The following ODF2 variants were observed in gnomAD, a reference collection of about 807,000 sequenced individuals.
ODF2 encodes the protein outer dense fiber protein 2.
ODF2 carries 47 observed loss-of-function variants against 110.2 expected under a neutral mutation model. That is an observed-to-expected ratio of 0.43 (90% confidence interval 0.34 to 0.54). The LOEUF (loss-of-function observed/expected upper bound fraction) is 0.54. Among genes scored for constraint, ODF2 ranks in the 20% least tolerant of loss-of-function variants. ODF2 has a pLI of 0.03. For synonymous variants in ODF2, 352 were observed against 397.7 expected (o/e 0.89, Z 1.37); for missense variants, 812 against 1,054.5 (o/e 0.77, Z 3.19).
chr9:128,487,082 CT>C (rs1344825316), intron 13 of ODF2, among the ~76,000 whole-genome samples: 5 of 152,098 alleles, frequency 3.3e-5, no homozygotes, highest in African/African-American at 1.2e-4. Context: ...CTCTCTCTCT[CT>C]CTTTTTTTTC....
intron 12 of ODF2, 73 bp downstream of exon 12, chr9:128,484,959 C>A: frequency 1.5e-5 from 20 of 1,378,760 alleles, no homozygotes; most frequent in Non-Finnish European, 1.8e-5. Flanking sequence ...GGTGGTCAGC[C>A]AGATGGGTAG....
chr9:128,455,834 G>T (rs1301760325), upstream of ODF2, among the ~76,000 whole-genome samples: 1 of 152,170 alleles, frequency 6.6e-6, no homozygotes, highest in African/African-American at 2.4e-5. Context: ...AGGGGAGGGC[G>T]TCGGAACCGT....
At chr9:128,493,802 T>G (rs1845096870) in intron 16 of ODF2, among the ~76,000 whole-genome samples, 1 of 152,160 alleles carries the variant, frequency 6.6e-6, no homozygotes, top group Admixed American at 6.5e-5. Flanking sequence ...AAAATTTATT[T>G]TATTTTTTTT....
intron 9 of ODF2, 72 bp downstream of exon 9, chr9:128,481,723 A>G (rs1842433726): frequency 8.0e-7 from 1 of 1,242,272 alleles, no homozygotes; most frequent in East Asian, 2.3e-5. Flanking sequence ...CAAAGTGTAG[A>G]GGTGCTTGGA....
intron 5 of ODF2, 27 bp from the exon 6 acceptor site, chr9:128,471,281 G>A: frequency 6.3e-7 from 1 of 1,582,918 alleles, no homozygotes; most frequent in Non-Finnish European, 8.6e-7. Context: ...TCCCTTCAGT[G>A]GCCCCTGCCT....
At position 128,494,828 on chromosome 9, in the gene ODF2, T is replaced by G; in HGVS notation, c.1911+160T>G. 1 of 1,516,630 alleles carries G rather than the reference T, an allele frequency of 6.6e-7. No homozygotes were observed. The highest frequency in any genetic ancestry group is 8.8e-7 in the Non-Finnish European group (1 of 1,132,092). 93.9% of individuals were successfully genotyped at this position (1,516,630 alleles called of 1,614,324 possible). ...TCAGTGCTGTGAAATAAAAGTCTGG[T>G]GTGCCAAATGCCATGTGTTTGCACA... On this transcript the variant is annotated intron_variant, in intron 17 of 20. Coordinates refer to ENST00000604420, the Ensembl canonical transcript of ODF2. This position sits in a 1 kb window ranked among gnomAD's most constrained non-coding sequence, Gnocchi z 4.6.
rs143269609 is a variant in ODF2 at position 128,498,462 on chromosome 9, G to T, written c.2062G>T (p.Ala688Ser). ...GAATATCGAGTTCCTACAGGTGATT[G>T]CCAAGAGGGAGGAGGCAATCCACCA... The change falls in exon 19 of 21, where the codon GCC becomes TCC. Residue 688 changes from alanine (A) to serine (S), a missense_variant. Ala to Ser is a moderately conservative substitution (Grantham distance 99). Transcript: ENST00000604420. 209 of 1,613,146 alleles carry T rather than the reference G, an allele frequency of 1.3e-4. 1 individual carries two copies. In the African/African-American group the frequency reaches 2.7e-3, roughly 21 times the overall value.
chr9:128,500,364 T>G, exon 21 of ODF2: 1 of 1,100,442 alleles, frequency 9.1e-7, no homozygotes, highest in Non-Finnish European at 1.3e-6. Context: ...AAAAATGGGT[T>G]CAGGGTCTTG....
At position 128,462,836 on chromosome 9, in the gene ODF2, G is replaced by A. The variant is rs558942075; in HGVS notation, c.249+1769G>A. ...TCTCGATCTCCTGACCTCATGATCC[G>A]CCTACCTCAGCCTCCCAAAGTGCTG... On this transcript the variant is annotated intron_variant, in intron 4 of 20. Transcript: ENST00000604420. Among the ~76,000 whole-genome samples the A allele has an allele frequency of 1.6e-4, 25 of 152,112 alleles. No individual in the cohort carries two copies. In the South Asian group the frequency reaches 3.9e-3, roughly 24 times the overall value.
downstream of ODF2, chr9:128,500,700 T>C (rs1846357521): frequency 2.6e-5 from 4 of 156,184 alleles, no homozygotes; most frequent in South Asian, 7.8e-4. Flanking sequence ...TTTTTTTTTT[T>C]TTCTGATTTC....
intron 2 of ODF2, among the ~76,000 whole-genome samples, chr9:128,458,786 T>G (rs1170932049): frequency 1.3e-5 from 2 of 152,048 alleles, no homozygotes; most frequent in East Asian, 3.9e-4. Flanking sequence ...ATTTGATGAG[T>G]GTGCGTCACA....
intron 8 of ODF2, among the ~76,000 whole-genome samples, chr9:128,475,653 T>A (rs1421735713): frequency 2.6e-5 from 4 of 152,120 alleles, no homozygotes; most frequent in Non-Finnish European, 5.9e-5. Flanking sequence ...CTTCTTTTTT[T>A]TTTCTTTTTT....
intron 2 of ODF2, chr9:128,457,463 C>G: frequency 1.3e-6 from 2 of 1,591,070 alleles, no homozygotes; most frequent in Non-Finnish European, 1.7e-6. Flanking sequence ...GAGGCGCCTG[C>G]GCCGGAGGGC....
At chr9:128,462,749 G>A (rs1486779007) in intron 4 of ODF2, among the ~76,000 whole-genome samples, 2 of 151,932 alleles carry the variant, frequency 1.3e-5, no homozygotes, top group African/African-American at 4.8e-5. Context: ...ATAAGTGCCC[G>A]CCACCATGCC....
chr9:128,498,556 T>C, exon 19 of ODF2: 1 of 1,598,112 alleles, frequency 6.3e-7, no homozygotes, highest in Non-Finnish European at 8.5e-7. Context: ...GAGAGTGCCA[T>C]TGAAGATGCG....
intron 14 of ODF2, among the ~76,000 whole-genome samples, chr9:128,491,320 G>A (rs1187518917): frequency 6.6e-6 from 1 of 151,738 alleles, no homozygotes; most frequent in East Asian, 2.0e-4. Flanking sequence ...TGGGATTACA[G>A]GTGTGAGCCA....
Position 128,471,334 on chromosome 9 carries a change from G to C in ODF2, c.447G>C (p.Gln149His), listed in dbSNP as rs1253421797. Residue 149 changes from glutamine to histidine, a missense_variant, in exon 6 of 21, where the codon CAG becomes CAC. Gln to His is a conservative substitution (Grantham distance 24, BLOSUM62 0). This residue lies in a region of ODF2 where 219 missense variants were observed against 321.3 expected (regional missense o/e 0.68). Coordinates refer to ENST00000604420, the Ensembl canonical transcript of ODF2. ...TCAAGATGCAAAAAGGTGAGCGCCA[G>C]ATGGCCAAAAGGTTCCTGGAGGAAC... The C allele has an allele frequency of 6.2e-7, 1 of 1,611,384 alleles. No homozygotes were observed. Among genetic ancestry groups the C allele is most frequent in the Admixed American group, 1.7e-5 (1 of 59,386 alleles).
chr9:128,484,078 G>C (rs1273159258), intron 11 of ODF2, 24 bp downstream of exon 11: 1 of 1,542,330 alleles, frequency 6.5e-7, no homozygotes, highest in East Asian at 2.2e-5. Flanking sequence ...CCACAAGTGG[G>C]GAAAGAGGAG....
chr9:128,471,579 T>A, intron 6 of ODF2, 111 bp downstream of exon 6: 1 of 940,618 alleles, frequency 1.1e-6, no homozygotes, highest in Non-Finnish European at 1.6e-6. Flanking sequence ...GCACTGTGCC[T>A]GTGCCCTGGA....
Sources: gnomAD v4.1 joint callset for allele counts (sites outside exome capture counted in the v4.1 genomes callset) on GRCh38, gnomAD v4.1.1 for gene constraint, gnomAD v4.1.1 regional missense constraint, Gnocchi (gnomAD v3.1) non-coding constraint, MANE v1.5 for transcripts, NCBI Gene and HGNC (gene_info 2026-07-23, HGNC 2026-07-21) for gene names.